TMSB15B: variants seen among roughly 807,000 people sequenced by gnomAD.
TMSB15B encodes thymosin beta 15B, also known as thymosin beta-15B.
intron 1 of TMSB15B, among the ~76,000 whole-genome samples, chrX:103,946,605 C>T (rs1490216443): frequency 1.8e-5 from 2 of 111,643 alleles, no homozygotes; most frequent in Non-Finnish European, 3.8e-5. Context: ...GGAAAAGGCA[C>T]ATATAGTACA....
chrX:103,921,929 CA>C (rs1329675401), intron 1 of TMSB15B, among the ~76,000 whole-genome samples: 1 of 111,831 alleles, frequency 8.9e-6, no homozygotes, highest in African/African-American at 3.3e-5. Flanking sequence ...CCAGGGATGT[CA>C]AACTCCAAAG....
At chrX:103,952,587 G>A (rs1177031052) in intron 1 of TMSB15B, among the ~76,000 whole-genome samples, 1 of 111,597 alleles carries the variant, frequency 9.0e-6, no homozygotes, top group Admixed American at 9.5e-5. Flanking sequence ...ATTAGTAGCG[G>A]AGGGGTGAGA....
At chrX:103,925,276 T>G in intron 1 of TMSB15B, among the ~76,000 whole-genome samples, 1 of 112,292 alleles carries the variant, frequency 8.9e-6, no homozygotes, top group Middle Eastern at 4.6e-3. Flanking sequence ...AGAGGCAGTA[T>G]TCAGTCTCGG....
At chrX:103,945,540 G>C (rs1183032099) in intron 1 of TMSB15B, among the ~76,000 whole-genome samples, 1 of 112,361 alleles carries the variant, frequency 8.9e-6, no homozygotes, top group African/African-American at 3.2e-5. Context: ...TCATGAGAGT[G>C]AATCCTTAAT....
At chrX:103,949,089 A>G (rs1256549817) in intron 1 of TMSB15B, among the ~76,000 whole-genome samples, 1 of 110,931 alleles carries the variant, frequency 9.0e-6, no homozygotes, top group Non-Finnish European at 1.9e-5. Context: ...TTCCTGGAGG[A>G]ACAGACATTG....
At chrX:103,926,472 T>G (rs2074968288) in intron 1 of TMSB15B, among the ~76,000 whole-genome samples, 1 of 34,759 alleles carries the variant, frequency 2.9e-5, no homozygotes, top group Non-Finnish European at 4.9e-5. Flanking sequence ...GGGATATGGA[T>G]GTAGTGGGGG....
rs59862821 is a variant in TMSB15B, at chrX:103,947,048, A to C, written c.-720-14973A>C. ...CCACTTCTTGGTATATACCCAAGAA[A>C]AGTGCATATGTATATTCACTAAGGA... On this transcript the variant is annotated intron_variant, in intron 1 of 3. Coordinates refer to the TMSB15B transcript ENST00000419165. Among the ~76,000 whole-genome samples, 816 of 110,678 alleles carry C rather than the reference A, an allele frequency of 7.4e-3. 9 individuals carry two copies. The highest frequency in any genetic ancestry group is 0.025 in the African/African-American group (776 of 30,440).
chrX:103,953,854 G>A (rs1279598398), intron 1 of TMSB15B, among the ~76,000 whole-genome samples: 1 of 111,453 alleles, frequency 9.0e-6, no homozygotes, highest in Non-Finnish European at 1.9e-5. Context: ...CAGTGGAGCC[G>A]TCCTTGCTAA....
intron 1 of TMSB15B, among the ~76,000 whole-genome samples, chrX:103,953,555 G>A (rs1392900863): frequency 2.7e-5 from 3 of 112,684 alleles, no homozygotes; most frequent in African/African-American, 6.4e-5. Context: ...GGGGAGGGGC[G>A]GGCCGCCATG....
At chrX:103,937,790 TC>T (rs1167501048) in intron 1 of TMSB15B, among the ~76,000 whole-genome samples, 18 of 112,089 alleles carry the variant, frequency 1.6e-4, no homozygotes, top group Admixed American at 1.5e-3. Flanking sequence ...TTTCCTGCTG[TC>T]TCCTGTGGGC....
intron 1 of TMSB15B, chrX:103,931,184 C>T (rs1189917396): frequency 9.0e-6 from 1 of 111,625 alleles, no homozygotes; most frequent in African/African-American, 3.3e-5. Flanking sequence ...TGTGTTGGAA[C>T]AGTACTCAAC....
chrX:103,924,721 C>T (rs1411718356), intron 1 of TMSB15B, among the ~76,000 whole-genome samples: 1 of 111,536 alleles, frequency 9.0e-6, no homozygotes, highest in Non-Finnish European at 1.9e-5. Flanking sequence ...TCATTTGTGG[C>T]TGGATCCTGG....
intron 1 of TMSB15B, among the ~76,000 whole-genome samples, chrX:103,943,016 G>A (rs1156803258): frequency 9.0e-6 from 1 of 110,997 alleles, no homozygotes; most frequent in Admixed American, 9.6e-5. Context: ...TAATTCATTA[G>A]GTTTTCAGAA....
chrX:103,953,783 A>T (rs2075044717), intron 1 of TMSB15B, among the ~76,000 whole-genome samples: 1 of 111,642 alleles, frequency 9.0e-6, no homozygotes, highest in African/African-American at 3.3e-5. Context: ...GCTGACAGAG[A>T]TTTGAAAATT....
At chrX:103,954,136 G>A (rs1177958600) in intron 1 of TMSB15B, among the ~76,000 whole-genome samples, 1 of 112,465 alleles carries the variant, frequency 8.9e-6, no homozygotes, top group Non-Finnish European at 1.9e-5. Context: ...AGCTGATGTG[G>A]AGCCTAGAGG....
At chrX:103,954,498 C>G (rs2075046638) in intron 1 of TMSB15B, among the ~76,000 whole-genome samples, 2 of 111,792 alleles carry the variant, frequency 1.8e-5, no homozygotes, top group Admixed American at 9.4e-5. Context: ...TAGCTTCCCT[C>G]AAGCCCACAG....
chrX:103,929,037 A>G (rs2147818086), intron 1 of TMSB15B: 1 of 1,124,913 alleles, frequency 8.9e-7, no homozygotes, highest in East Asian at 3.0e-5. Flanking sequence ...AAGTGTGGCC[A>G]TGCCACCTTT....
chrX:103,921,629 T>C (rs1188239918), intron 1 of TMSB15B, among the ~76,000 whole-genome samples: 6 of 112,419 alleles, frequency 5.3e-5, no homozygotes, highest in African/African-American at 1.6e-4. Flanking sequence ...TGTGAGTCTG[T>C]TCCAACTGAT....
intron 1 of TMSB15B, among the ~76,000 whole-genome samples, chrX:103,935,770 A>T (rs1556321421): frequency 9.2e-6 from 1 of 108,982 alleles, no homozygotes; most frequent in Non-Finnish European, 1.9e-5. Context: ...GTCAGATAGC[A>T]TGCCTTCAGC....
Sources: gnomAD v4.1 joint callset for allele counts (sites outside exome capture counted in the v4.1 genomes callset) on GRCh38, gnomAD v4.1.1 for gene constraint, MANE v1.5 for transcripts, NCBI Gene and HGNC (gene_info 2026-07-23, HGNC 2026-07-21) for gene names.